STAT5B: variants seen among roughly 807,000 people sequenced by gnomAD.
STAT5B encodes signal transducer and activator of transcription 5B.
A neutral mutation model predicts 107.8 loss-of-function variants in STAT5B; 21 were observed. The ratio of observed to expected loss-of-function variants is 0.19; its 90% confidence interval spans 0.14 to 0.28. The LOEUF is 0.28. STAT5B is among the 10% of genes least tolerant of loss of function. The pLI is 1.00. For missense variants in STAT5B, 565 were observed against 1,008.2 expected, an observed-to-expected ratio of 0.56 and a Z score of 5.95; for synonymous variants, 325 against 401.7, an observed-to-expected ratio of 0.81 and a Z score of 2.28.
chr17:42,229,107 C>T (rs1311617637), intron 2 of STAT5B, among the ~76,000 whole-genome samples: 1 of 151,870 alleles, frequency 6.6e-6, no homozygotes, highest in East Asian at 1.9e-4. Context: ...TGAGGGCAGC[C>T]CTGCACCTCT....
chr17:42,223,660 A>C, intron 4 of STAT5B, 104 bp from the exon 5 acceptor site: 1 of 1,441,600 alleles, frequency 6.9e-7, no homozygotes. Context: ...AAGACCCCAA[A>C]AGGTAAATTT....
Position 42,201,185 on chromosome 17 carries a change from G to C in STAT5B, c.*553C>G, listed in dbSNP as rs1711149182. 2.4e-6 allele frequency: 1 copy of C among 414,652 alleles called. No individual in the cohort carries two copies. Among genetic ancestry groups the C allele is most frequent in the African/African-American group, 2.0e-5 (1 of 48,880 alleles). The allele number at this position is 414,652 out of a possible 1,614,324, so 25.7% of individuals were successfully genotyped here. A position where few individuals can be genotyped will look rare whatever the true frequency, so the allele number is the denominator to read the frequency against. On this transcript the variant is annotated 3_prime_UTR_variant, in exon 19 of 19. Transcript: ENST00000293328. ...TTCCCATTCCTACCCAAGAACACAG[G>C]GGTGGGGGAGAGGGAAGGCTCTCTT...
At position 42,212,184 on chromosome 17, in the gene STAT5B, C is replaced by G. The variant is rs1260876727; in HGVS notation, c.1480G>C (p.Val494Leu). 3.7e-6 allele frequency: 6 copies of G among 1,614,176 alleles called. No homozygotes were observed. The East Asian group carries it at 1.3e-4, about 36-fold the overall frequency. Residue 494 changes from valine to leucine, a missense_variant, in exon 13 of 19, where the codon GTG becomes CTG. Around this residue, in one of 11 missense-constraint regions of STAT5B, gnomAD observed 127 missense variants for 215.8 expected, o/e 0.59. Transcript: ENST00000293328. ...ACTTTGTCAGGCACGGCAAATGGCA[C>G]CCTGCCCTGAGAGGGAGAGAGGCCA... ...WDNAFAEPGR[V>L]PFAVPDKVLW...
rs1192048349 is a variant in STAT5B at position 42,201,550 on chromosome 17, AC to A, written c.*187del. On this transcript the variant is annotated 3_prime_UTR_variant, in exon 19 of 19. Transcript: ENST00000293328. ...CACACACACACACACACACACACAC[AC>A]ACAAACACATACTCGCACTCCCTTC... is the stretch of plus-strand genomic sequence containing the variant. The A allele has an allele frequency of 1.3e-4, 90 of 667,796 alleles. No homozygotes were observed. The African/African-American group carries it at 1.4e-3, about 11-fold the overall frequency. 41.4% of individuals were successfully genotyped at this position (667,796 alleles called of 1,614,324 possible). A position where few individuals can be genotyped will look rare whatever the true frequency, so the allele number is the denominator to read the frequency against.
chr17:42,283,681 C>T, the STAT5B span, among the ~76,000 whole-genome samples: 2 of 152,232 alleles, frequency 1.3e-5, no homozygotes, highest in South Asian at 2.1e-4. Context: ...CGGGCTTCAC[C>T]CAAGCTCCGG....
At chr17:42,288,337 C>G in the STAT5B span, 1 of 152,196 alleles carries the variant, frequency 6.6e-6, no homozygotes, top group Non-Finnish European at 1.5e-5. This position sits in a 1 kb window ranked among gnomAD's most constrained non-coding sequence, Gnocchi z 4.8. Context: ...GGAACGGCCG[C>G]CGCTGTTGCG....
chr17:42,253,569 AAG>A (rs2080517561), intron 1 of STAT5B, among the ~76,000 whole-genome samples: 1 of 152,220 alleles, frequency 6.6e-6, no homozygotes, highest in Non-Finnish European at 1.5e-5. Flanking sequence ...GAAGGACTGA[AAG>A]AGTCTCCTAA....
chr17:42,212,295 T>C (rs547374958), intron 12 of STAT5B, 105 bp from the exon 13 acceptor site: 3 of 1,564,454 alleles, frequency 1.9e-6, no homozygotes, highest in African/African-American at 2.7e-5. Context: ...TACACACATT[T>C]GTCTTGCAGG....
chr17:42,285,955 G>A, the STAT5B span, among the ~76,000 whole-genome samples: 8 of 152,066 alleles, frequency 5.3e-5, no homozygotes, highest in African/African-American at 1.9e-4. Context: ...CATGGTAGCT[G>A]ATGCCTGTAA....
chr17:42,208,295 G>C (rs2088015224), intron 15 of STAT5B, among the ~76,000 whole-genome samples: 1 of 151,936 alleles, frequency 6.6e-6, no homozygotes, highest in Admixed American at 6.6e-5. Context: ...GAGGTCAGGA[G>C]TTCAAGACCA....
intron 13 of STAT5B, among the ~76,000 whole-genome samples, chr17:42,211,301 A>AGTCAG: frequency 6.6e-6 from 1 of 152,124 alleles, no homozygotes; most frequent in Admixed American, 6.6e-5. Context: ...TGAGGTCGGG[A>AGTCAG]GTTCGAGACC....
the STAT5B span, among the ~76,000 whole-genome samples, chr17:42,285,822 T>C: frequency 2.0e-5 from 3 of 151,886 alleles, no homozygotes; most frequent in African/African-American, 7.3e-5. Flanking sequence ...CCCCACTGCA[T>C]CTCAAAGGGA....
chr17:42,234,057 G>A (rs1341784851), intron 1 of STAT5B: 1 of 152,188 alleles, frequency 6.6e-6, no homozygotes, highest in East Asian at 1.9e-4. Flanking sequence ...CATCCCACAT[G>A]ATTTGGCTAC....
chr17:42,222,164 GTGTGGTGTGTGTGTGTGCTGTGTTGTC>G (rs1256130092), intron 5 of STAT5B, among the ~76,000 whole-genome samples: 2 of 149,436 alleles, frequency 1.3e-5, no homozygotes, highest in East Asian at 4.0e-4. Context: ...TGTGTGATGT[GTGTGGTGTGTGTGTGTGCTGTGTTGTC>G]TGTGTGTGCT....
chr17:42,267,179 T>C (rs1423059354), intron 1 of STAT5B, among the ~76,000 whole-genome samples: 2 of 152,208 alleles, frequency 1.3e-5, no homozygotes, highest in Non-Finnish European at 2.9e-5. Flanking sequence ...GTCTAGCACA[T>C]ACAATTGCGT....
At chr17:42,218,355 C>G (rs2080191770) in intron 8 of STAT5B, 25 bp from the exon 9 acceptor site, 2 of 1,607,326 alleles carry the variant, frequency 1.2e-6, no homozygotes, top group African/African-American at 1.3e-5. Context: ...GGGACAGATG[C>G]ATGATGAGGG....
intron 1 of STAT5B, among the ~76,000 whole-genome samples, chr17:42,238,170 A>G (rs1298886093): frequency 6.6e-6 from 1 of 151,462 alleles, no homozygotes; most frequent in East Asian, 1.9e-4. Context: ...GTCTTACTCC[A>G]TCACTCAGGC....
In STAT5B at chr17:42,202,208, G is replaced by A. The variant is rs76172781; in HGVS notation, c.2237+132C>T. 2.7e-3 allele frequency: 2,959 copies of A among 1,096,270 alleles called. 51 individuals carry two copies. The African/African-American group carries it at 0.042, about 16-fold the overall frequency. 67.9% of individuals were successfully genotyped at this position (1,096,270 alleles called of 1,614,324 possible). On this transcript the variant is annotated intron_variant, in intron 18 of 18. Transcript: ENST00000293328. ...AAATCTCTCCCTCCCAAAGGCCAGA[G>A]CCCGGGCCAGGGCTGTGTGGTCTCA...
At chr17:42,211,680 C>T (rs1022225901) in intron 13 of STAT5B, among the ~76,000 whole-genome samples, 2 of 151,970 alleles carry the variant, frequency 1.3e-5, no homozygotes, top group African/African-American at 4.8e-5. Context: ...GCCCAGAGTT[C>T]GCATCCCCTC....
Sources: gnomAD v4.1 joint callset for allele counts (sites outside exome capture counted in the v4.1 genomes callset) on GRCh38, gnomAD v4.1.1 for gene constraint, gnomAD v4.1.1 regional missense constraint, Gnocchi (gnomAD v3.1) non-coding constraint, MANE v1.5 for transcripts, NCBI Gene and HGNC (gene_info 2026-07-23, HGNC 2026-07-21) for gene names.